The following OSBPL8 variants were observed in gnomAD, a reference collection of about 807,000 sequenced individuals.
The protein encoded by OSBPL8 is oxysterol binding protein like 8, also known as oxysterol-binding protein-related protein 8.
In OSBPL8, 59 loss-of-function variants were observed where a neutral mutation model predicts 125.5. That is an observed-to-expected ratio of 0.47 (90% CI 0.38 to 0.58). The LOEUF (loss-of-function observed/expected upper bound fraction) is 0.58, where lower values mean the gene tolerates loss of function less well. Ranked by LOEUF, OSBPL8 falls within the 20% of genes least tolerant of loss-of-function variation. OSBPL8 has a pLI of 0.00. For missense variants in OSBPL8, 758 were observed against 1,047.8 expected (o/e 0.72, Z 3.82); for synonymous variants, 330 against 338.9 (o/e 0.97, Z 0.29).
At chr12:76,494,028 G>A (rs1311526518) in intron 1 of OSBPL8, among the ~76,000 whole-genome samples, 2 of 152,016 alleles carry the variant, frequency 1.3e-5, no homozygotes, top group Non-Finnish European at 2.9e-5. Context: ...TAAACTTCTA[G>A]TTTTGTTTGT....
chr12:76,526,318 T>C (rs1950169094), intron 1 of OSBPL8, among the ~76,000 whole-genome samples: 1 of 152,192 alleles, frequency 6.6e-6, no homozygotes. Context: ...AAAGTATTAA[T>C]TGAACGTTTT....
At chr12:76,363,731 A>C (rs1447878658) in intron 21 of OSBPL8, among the ~76,000 whole-genome samples, 1 of 152,204 alleles carries the variant, frequency 6.6e-6, no homozygotes, top group East Asian at 1.9e-4. Context: ...CAACCTACAG[A>C]ATGGGAGAAA....
chr12:76,413,088 TAGAA>T (rs1227346900), intron 4 of OSBPL8, among the ~76,000 whole-genome samples: 2 of 152,204 alleles, frequency 1.3e-5, no homozygotes, highest in African/African-American at 2.4e-5. Flanking sequence ...AAAAATTTAA[TAGAA>T]AGAACTCCAT....
intron 4 of OSBPL8, among the ~76,000 whole-genome samples, chr12:76,411,813 T>C (rs1954525797): frequency 6.6e-6 from 1 of 152,104 alleles, no homozygotes; most frequent in African/African-American, 2.4e-5. Flanking sequence ...CCCACTCCTA[T>C]AATGAGACAG....
intron 4 of OSBPL8, among the ~76,000 whole-genome samples, chr12:76,433,810 TA>T (rs1203172224): frequency 6.6e-6 from 1 of 151,614 alleles, no homozygotes; most frequent in East Asian, 1.9e-4. Context: ...CCATCTCTAC[TA>T]AAAATACAAA....
intron 2 of OSBPL8, among the ~76,000 whole-genome samples, chr12:76,481,084 G>A (rs1041597181): frequency 6.6e-6 from 1 of 152,126 alleles, no homozygotes. Context: ...AAAAATGAAT[G>A]CATTCTCTAG....
At chr12:76,543,506 G>A (rs1325733450) in intron 1 of OSBPL8, among the ~76,000 whole-genome samples, 1 of 152,034 alleles carries the variant, frequency 6.6e-6, no homozygotes, top group Non-Finnish European at 1.5e-5. Flanking sequence ...TAATTACATA[G>A]TGAATTGTGC....
chr12:76,496,970 C>T (rs529999329), intron 1 of OSBPL8, among the ~76,000 whole-genome samples: 1 of 152,162 alleles, frequency 6.6e-6, no homozygotes, highest in Non-Finnish European at 1.5e-5. Context: ...TGAGCCACCA[C>T]GCCTGGCCCC....
chr12:76,510,800 G>C (rs1210488534), intron 1 of OSBPL8, among the ~76,000 whole-genome samples: 2 of 151,366 alleles, frequency 1.3e-5, no homozygotes, highest in Admixed American at 1.3e-4. Flanking sequence ...AGAATCGCTT[G>C]ACCCCGGGAG....
At chr12:76,440,295 G>A (rs186394162) in intron 4 of OSBPL8, among the ~76,000 whole-genome samples, 1 of 151,980 alleles carries the variant, frequency 6.6e-6, no homozygotes, top group Non-Finnish European at 1.5e-5. Context: ...GTTATCCCAC[G>A]TATTGATGAT....
Position 76,369,635 on chromosome 12 carries a change from A to C in OSBPL8, c.2240+2T>G. ...TGAAATAAACTATTTTAAGTTACTT[A>C]CTCTGCAAACTTGTAATGCCATTCT... On this transcript the variant is annotated splice_donor_variant, in intron 20 of 23. Coordinates refer to ENST00000261183, the MANE Select transcript of OSBPL8 (RefSeq NM_020841.5). LOFTEE classifies it high-confidence loss of function. 1 of 1,610,648 alleles carries C rather than the reference A, an allele frequency of 6.2e-7. No individual in the cohort carries two copies. Among genetic ancestry groups the C allele is most frequent in the Non-Finnish European group, 8.5e-7 (1 of 1,177,284 alleles).
intron 1 of OSBPL8, among the ~76,000 whole-genome samples, chr12:76,514,015 A>T (rs1446639432): frequency 1.3e-5 from 2 of 151,942 alleles, no homozygotes; most frequent in Non-Finnish European, 1.5e-5. Flanking sequence ...TAGTGTCACT[A>T]GTCTGTGTGT....
At chr12:76,549,948 G>A (rs1380965195) in intron 1 of OSBPL8, among the ~76,000 whole-genome samples, 1 of 148,450 alleles carries the variant, frequency 6.7e-6, no homozygotes, top group East Asian at 2.0e-4. Context: ...AAAAAAATAT[G>A]TATAACAGAA....
intron 1 of OSBPL8, among the ~76,000 whole-genome samples, chr12:76,543,328 G>A (rs1224188727): frequency 6.6e-6 from 1 of 151,822 alleles, no homozygotes; most frequent in Admixed American, 6.6e-5. Context: ...TTACAAATGA[G>A]GACACTTCAT....
chr12:76,429,380 C>T (rs994931053), intron 4 of OSBPL8, among the ~76,000 whole-genome samples: 6 of 151,642 alleles, frequency 4.0e-5, no homozygotes, highest in African/African-American at 9.7e-5. Context: ...CCTTAGTTTC[C>T]GCTCTTACTG....
chr12:76,369,887 T>C, intron 19 of OSBPL8, 65 bp from the exon 20 acceptor site: 3 of 1,415,706 alleles, frequency 2.1e-6, no homozygotes, highest in Middle Eastern at 1.9e-4. Context: ...CTATATAGAA[T>C]AGGCCTCAAA....
intron 1 of OSBPL8, among the ~76,000 whole-genome samples, chr12:76,528,800 G>A (rs1043535213): frequency 3.9e-5 from 6 of 152,104 alleles, no homozygotes; most frequent in African/African-American, 1.4e-4. Flanking sequence ...GTTGCAGTGA[G>A]CTATAATGGC....
At chr12:76,453,901 G>A (rs1433983013) in intron 3 of OSBPL8, among the ~76,000 whole-genome samples, 2 of 152,064 alleles carry the variant, frequency 1.3e-5, no homozygotes, top group African/African-American at 2.4e-5. Context: ...CTTGAACAGT[G>A]ATTCACAAAA....
intron 4 of OSBPL8, among the ~76,000 whole-genome samples, chr12:76,433,537 A>C (rs941601863): frequency 3.9e-5 from 6 of 152,168 alleles, no homozygotes; most frequent in Non-Finnish European, 7.3e-5. Context: ...GTGATGAAGG[A>C]AATGAAAGAA....
Sources: allele counts gnomAD v4.1 joint callset (sites outside exome capture counted in the v4.1 genomes callset), GRCh38; gene constraint gnomAD v4.1.1; transcripts MANE v1.5; gene names NCBI Gene and HGNC (gene_info 2026-07-23, HGNC 2026-07-21).